The following NPTN variants were observed in gnomAD, a reference collection of about 807,000 sequenced individuals.
The protein encoded by NPTN is neuroplastin.
NPTN carries 5 observed loss-of-function variants against 42.7 expected under a neutral mutation model. That is an observed-to-expected ratio of 0.12 (90% CI 0.06 to 0.25). NPTN has a LOEUF of 0.25. Among genes scored for constraint, NPTN ranks in the 10% least tolerant of loss-of-function variants. The pLI is 1.00. For missense variants in NPTN, 307 were observed against 525.4 expected (o/e 0.58, Z 4.06); for synonymous variants, 180 against 201.9 (o/e 0.89, Z 0.92).
At chr15:73,627,241 A>C (rs1355568172) in intron 1 of NPTN, among the ~76,000 whole-genome samples, 7 of 152,238 alleles carry the variant, frequency 4.6e-5, no homozygotes, top group Non-Finnish European at 8.8e-5. Context: ...ATCTTTAAAA[A>C]AAAATTGACA....
intron 1 of NPTN, among the ~76,000 whole-genome samples, chr15:73,616,952 C>T (rs1174609089): frequency 6.6e-6 from 1 of 152,194 alleles, no homozygotes; most frequent in Admixed American, 6.5e-5. Flanking sequence ...TTTAATGAAG[C>T]TTTTCCCTGC....
At chr15:73,567,243 T>G (rs1334161131) in intron 6 of NPTN, 1 of 985,248 alleles carries the variant, frequency 1.0e-6, no homozygotes, top group East Asian at 1.1e-4. Flanking sequence ...TAAAAAAAGT[T>G]CAGTGAGTCT....
intron 1 of NPTN, among the ~76,000 whole-genome samples, chr15:73,609,161 C>A (rs1897435812): frequency 6.6e-6 from 1 of 152,198 alleles, no homozygotes; most frequent in Admixed American, 6.5e-5. Flanking sequence ...AACTAATTCC[C>A]TTCCCATATC....
intron 4 of NPTN, among the ~76,000 whole-genome samples, chr15:73,585,816 C>G (rs1212944352): frequency 6.6e-6 from 1 of 152,194 alleles, no homozygotes. Flanking sequence ...GAGAATCCAA[C>G]AGTGCACAGT....
chr15:73,625,062 A>T (rs933641345), intron 1 of NPTN, among the ~76,000 whole-genome samples: 10 of 152,234 alleles, frequency 6.6e-5, no homozygotes, highest in Admixed American at 2.0e-4. Flanking sequence ...TCCTTGTGTT[A>T]ACAAAAATCA....
intron 3 of NPTN, among the ~76,000 whole-genome samples, chr15:73,590,377 T>C (rs1163723496): frequency 1.3e-5 from 2 of 152,108 alleles, no homozygotes; most frequent in East Asian, 3.9e-4. Context: ...TGAAACTTCA[T>C]GAAGTTAAAG....
At chr15:73,565,713 T>G (rs996405725) in intron 6 of NPTN, 2 of 456,218 alleles carry the variant, frequency 4.4e-6, no homozygotes, top group African/African-American at 4.0e-5. Context: ...GGAAGAGGAC[T>G]GGGGGGATAA....
At chr15:73,573,825 CGGAAG>C in intron 4 of NPTN, 30 bp from the exon 5 acceptor site, 6 of 1,604,222 alleles carry the variant, frequency 3.7e-6, no homozygotes, top group East Asian at 2.3e-5. Context: ...GCAGTTACCA[CGGAAG>C]TCTACTCCAA....
chr15:73,569,070 G>A lies in NPTN; in HGVS notation c.1114+1080C>T. On this transcript the variant is annotated intron_variant, in intron 6 of 8. Transcript: ENST00000345330. This position sits in a 1 kb window ranked among gnomAD's most constrained non-coding sequence, Gnocchi z 4.1. ...GTGCACAAACACAGGCCCCAGAACA[G>A]CTGGACTACAGCTGGCAACCCCACC... The A allele has an allele frequency of 1.0e-6, 1 of 985,834 alleles. No homozygotes were observed. 61.1% of individuals were successfully genotyped at this position (985,834 alleles called of 1,614,324 possible).
chr15:73,597,188 G>A lies in NPTN; in HGVS notation c.273C>T (p.Thr91=). The change falls in exon 2 of 9, where the codon ACC becomes ACT. Residue 91 remains threonine, a synonymous_variant. Coordinates refer to ENST00000345330, the MANE Select transcript of NPTN (RefSeq NM_012428.4). The surrounding 1 kb of genome is among the most constrained non-coding windows in gnomAD (Gnocchi z 6.3). ...GARKRRVTVN[T]AYGSNGVSVL... is the part of the protein sequence containing the mutation. ...CACTCACGCCGTTTGACCCGTAGGC[G>A]GTGTTTACGGTGACACGGCGCTTCC... 9 of 1,614,144 alleles carry A rather than the reference G, an allele frequency of 5.6e-6. No homozygotes were observed. The highest frequency in any genetic ancestry group is 3.3e-5 in the South Asian group (3 of 91,080).
At chr15:73,605,099 A>AG (rs374734778) in intron 1 of NPTN, among the ~76,000 whole-genome samples, 1,731 of 121,350 alleles carry the variant, frequency 0.014, 29 homozygotes, top group East Asian at 0.038. Flanking sequence ...CCCTGTCTCA[A>AG]GGGGGGGGGG....
chr15:73,582,470 A>G (rs1434274757), intron 4 of NPTN, among the ~76,000 whole-genome samples: 1 of 152,164 alleles, frequency 6.6e-6, no homozygotes, highest in Non-Finnish European at 1.5e-5. Context: ...CCCACAGCAG[A>G]TTTATCATTG....
At chr15:73,593,387 A>G (rs750022402) in intron 2 of NPTN, among the ~76,000 whole-genome samples, 3 of 152,154 alleles carry the variant, frequency 2.0e-5, no homozygotes, top group Non-Finnish European at 2.9e-5. Context: ...CCCAACCACA[A>G]TAAGAGGTAT....
intron 1 of NPTN, among the ~76,000 whole-genome samples, chr15:73,600,668 T>C (rs1395194610): frequency 6.6e-6 from 1 of 152,216 alleles, no homozygotes; most frequent in Non-Finnish European, 1.5e-5. Flanking sequence ...GTTAAAGATA[T>C]GCTTTGTCAC....
At chr15:73,565,001 C>T (rs1032135865) in intron 6 of NPTN, among the ~76,000 whole-genome samples, 4 of 152,218 alleles carry the variant, frequency 2.6e-5, no homozygotes, top group African/African-American at 7.2e-5. Flanking sequence ...CCTCACACCA[C>T]GGGCTGTTTT....
chr15:73,583,289 T>G (rs1223467977), intron 4 of NPTN, among the ~76,000 whole-genome samples: 1 of 152,226 alleles, frequency 6.6e-6, no homozygotes, highest in Admixed American at 6.5e-5. Context: ...AAATGTTACA[T>G]GCTCAACAGG....
chr15:73,624,363 C>T (rs1898291407), intron 1 of NPTN, among the ~76,000 whole-genome samples: 1 of 152,156 alleles, frequency 6.6e-6, no homozygotes, highest in Admixed American at 6.5e-5. Flanking sequence ...TTTCATCTCC[C>T]TTGATGCACG....
At chr15:73,608,683 C>T (rs942717471) in intron 1 of NPTN, among the ~76,000 whole-genome samples, 1 of 152,150 alleles carries the variant, frequency 6.6e-6, no homozygotes, top group African/African-American at 2.4e-5. Context: ...GGTGGCAGTA[C>T]AATGGCTGTC....
intron 6 of NPTN, among the ~76,000 whole-genome samples, chr15:73,566,572 C>T (rs776521055): frequency 1.3e-5 from 2 of 152,202 alleles, no homozygotes; most frequent in Non-Finnish European, 2.9e-5. Context: ...AGTGGGTTCA[C>T]TCCCCATTCC....
Sources: gnomAD v4.1 joint callset for allele counts (sites outside exome capture counted in the v4.1 genomes callset) on GRCh38, gnomAD v4.1.1 for gene constraint, Gnocchi (gnomAD v3.1) non-coding constraint, MANE v1.5 for transcripts, NCBI Gene and HGNC (gene_info 2026-07-23, HGNC 2026-07-21) for gene names.